Variants in C1QTNF3 observed in about 807,000 individuals in gnomAD.
C1QTNF3 encodes the protein complement C1q tumor necrosis factor-related protein 3.
In C1QTNF3, 26 loss-of-function variants were observed where a neutral mutation model predicts 32.6. The ratio of observed to expected loss-of-function variants is 0.80; its 90% CI spans 0.58 to 1.11. The LOEUF (loss-of-function observed/expected upper bound fraction) is 1.11, where lower values mean the gene tolerates loss of function less well. Among genes scored for constraint, C1QTNF3 ranks in the 50% least tolerant of loss-of-function variants. The pLI is 0.00. For synonymous variants in C1QTNF3, 155 were observed against 146.0 expected, an observed-to-expected ratio of 1.06 and a Z score of -0.44; for missense variants, 362 against 398.2, an observed-to-expected ratio of 0.91 and a Z score of 0.77.
the C1QTNF3 span, among the ~76,000 whole-genome samples, chr5:34,235,419 C>T: frequency 4.6e-5 from 7 of 151,946 alleles, no homozygotes; most frequent in Non-Finnish European, 1.0e-4. Context: ...TATTAATATC[C>T]TACAATGCAA....
the C1QTNF3 span, among the ~76,000 whole-genome samples, chr5:34,213,789 A>G: frequency 1.7e-3 from 10 of 5,920 alleles, no homozygotes; most frequent in South Asian, 8.2e-3. Context: ...ATATATACAT[A>G]TATATATATA....
chr5:34,166,843 T>A, the C1QTNF3 span: 1 of 152,078 alleles, frequency 6.6e-6, no homozygotes, highest in Admixed American at 6.6e-5. Flanking sequence ...TTGTAAGGAT[T>A]GAAAACATAC....
At chr5:34,213,508 G>A in the C1QTNF3 span, among the ~76,000 whole-genome samples, 29 of 151,168 alleles carry the variant, frequency 1.9e-4, no homozygotes, top group Non-Finnish European at 3.2e-4. Flanking sequence ...TAAAGGCAGA[G>A]GTTAATCATC....
the C1QTNF3 span, among the ~76,000 whole-genome samples, chr5:34,211,950 G>A: frequency 3.3e-5 from 5 of 152,034 alleles, no homozygotes; most frequent in South Asian, 4.2e-4. Flanking sequence ...CGCCAAGTCA[G>A]TCCTAAGCCA....
At chr5:34,130,366 T>C in the C1QTNF3 span, among the ~76,000 whole-genome samples, 2 of 151,776 alleles carry the variant, frequency 1.3e-5, no homozygotes, top group African/African-American at 2.4e-5. Flanking sequence ...AATCATTACA[T>C]AGCAATAAGC....
At chr5:34,075,126 A>G in the C1QTNF3 span, among the ~76,000 whole-genome samples, 1 of 151,790 alleles carries the variant, frequency 6.6e-6, no homozygotes, top group Non-Finnish European at 1.5e-5. Context: ...TTAAGTTTCC[A>G]TAACTGTGTC....
the C1QTNF3 span, among the ~76,000 whole-genome samples, chr5:34,144,556 A>T: frequency 1.3e-5 from 2 of 152,260 alleles, no homozygotes; most frequent in Non-Finnish European, 2.9e-5. Context: ...ATAAATTCAA[A>T]GAATTAGATA....
the C1QTNF3 span, among the ~76,000 whole-genome samples, chr5:34,054,085 T>G: frequency 3.3e-5 from 5 of 152,292 alleles, no homozygotes; most frequent in East Asian, 3.9e-4. Flanking sequence ...CTTGAGCCTT[T>G]TGCTTCTGCA....
the C1QTNF3 span, among the ~76,000 whole-genome samples, chr5:34,177,752 G>T: frequency 1.3e-5 from 2 of 151,760 alleles, no homozygotes; most frequent in African/African-American, 4.8e-5. Context: ...CTCCCAAAGT[G>T]CTGGGATTAC....
At chr5:34,032,100 T>C (rs960184930) in intron 3 of C1QTNF3, among the ~76,000 whole-genome samples, 1 of 152,244 alleles carries the variant, frequency 6.6e-6, no homozygotes, top group Non-Finnish European at 1.5e-5. Flanking sequence ...GTTACTTTTT[T>C]TGGGAAGACA....
intron 1 of C1QTNF3, among the ~76,000 whole-genome samples, chr5:34,037,617 C>T (rs1754771742): frequency 6.6e-6 from 1 of 152,188 alleles, no homozygotes; most frequent in Admixed American, 6.5e-5. Flanking sequence ...TGATCAGGAG[C>T]TATAACTTAG....
the C1QTNF3 span, chr5:34,106,115 T>C: frequency 4.0e-5 from 6 of 151,772 alleles, no homozygotes; most frequent in Non-Finnish European, 7.4e-5. Context: ...GCTATTTTTA[T>C]TTATAATGCA....
At chr5:34,223,559 G>A in the C1QTNF3 span, among the ~76,000 whole-genome samples, 1 of 151,756 alleles carries the variant, frequency 6.6e-6, no homozygotes, top group African/African-American at 2.4e-5. Flanking sequence ...TGGGTCAAAT[G>A]CTATTTCTAG....
At chr5:34,023,590 A>G (rs1358443200) in intron 5 of C1QTNF3, among the ~76,000 whole-genome samples, 1 of 152,190 alleles carries the variant, frequency 6.6e-6, no homozygotes, top group Non-Finnish European at 1.5e-5. Flanking sequence ...GCATGGGAGA[A>G]TGGGAAAGCA....
At chr5:34,212,303 AG>A in the C1QTNF3 span, among the ~76,000 whole-genome samples, 1 of 152,294 alleles carries the variant, frequency 6.6e-6, no homozygotes, top group East Asian at 1.9e-4. Context: ...TAAAAACCCT[AG>A]AAGAAAACCT....
the C1QTNF3 span, among the ~76,000 whole-genome samples, chr5:34,201,635 TCTA>T: frequency 2.6e-5 from 4 of 152,184 alleles, no homozygotes; most frequent in Non-Finnish European, 4.4e-5. Context: ...GTGTATTTCT[TCTA>T]CAACAAACTT....
the C1QTNF3 span, among the ~76,000 whole-genome samples, chr5:34,230,075 T>C: frequency 6.6e-6 from 1 of 152,274 alleles, no homozygotes; most frequent in Non-Finnish European, 1.5e-5. Flanking sequence ...CACCTTAATC[T>C]TGGACTTCCC....
the C1QTNF3 span, among the ~76,000 whole-genome samples, chr5:34,204,139 A>G: frequency 1.3e-5 from 2 of 152,234 alleles, no homozygotes; most frequent in Admixed American, 1.3e-4. Flanking sequence ...AATAAACATA[A>G]GACTTAAATT....
chr5:34,237,244 G>A, the C1QTNF3 span, among the ~76,000 whole-genome samples: 41 of 152,136 alleles, frequency 2.7e-4, no homozygotes, highest in Admixed American at 2.2e-3. Context: ...TAATTTTACG[G>A]GTAAAATGAC....
Sources: gnomAD v4.1 joint callset for allele counts (sites outside exome capture counted in the v4.1 genomes callset) on GRCh38, gnomAD v4.1.1 for gene constraint, MANE v1.5 for transcripts, NCBI Gene and HGNC (gene_info 2026-07-23, HGNC 2026-07-21) for gene names.